ABCC2: variants seen among roughly 807,000 people sequenced by gnomAD.
The protein encoded by ABCC2 is ATP binding cassette subfamily C member 2.
In ABCC2, 157 loss-of-function variants were observed where a neutral mutation model predicts 173.4. That is an observed-to-expected ratio of 0.91 (90% CI 0.80 to 1.03). The LOEUF (loss-of-function observed/expected upper bound fraction) is 1.03. Among genes scored for constraint, ABCC2 ranks in the 50% least tolerant of loss-of-function variants. ABCC2 has a pLI of 0.00. For synonymous variants in ABCC2, 657 were observed against 693.5 expected, an observed-to-expected ratio of 0.95 and a Z score of 0.83; for missense variants, 1,822 against 1,852.3, an observed-to-expected ratio of 0.98 and a Z score of 0.30.
At position 99,843,834 on chromosome 10, in the gene ABCC2, A is replaced by G. The variant is rs370550565; in HGVS notation, c.3777A>G (p.Thr1259=). 4 of 1,614,230 alleles carry G rather than the reference A, an allele frequency of 2.5e-6. No homozygotes were observed. The highest frequency in any genetic ancestry group is 1.6e-4 in the Middle Eastern group (1 of 6,062). Residue 1259 remains threonine (T), a synonymous_variant, in exon 27 of 32, where the codon ACA becomes ACG. Coordinates refer to ENST00000647814, the MANE Select transcript of ABCC2 (RefSeq NM_000392.5). The part of the protein sequence containing the change: ...TQTLNWLVRM[T]SEIETNIVAV... Reference sequence around the variant, plus strand: ...CCCTGAACTGGCTGGTGAGGATGACATCAGAAATAGAGACCAACATTGTGG... The same window carrying G: ...CCCTGAACTGGCTGGTGAGGATGACGTCAGAAATAGAGACCAACATTGTGG...
At chr10:99,806,226 A>G (rs2038102318) in intron 11 of ABCC2, among the ~76,000 whole-genome samples, 1 of 152,096 alleles carries the variant, frequency 6.6e-6, no homozygotes, top group Non-Finnish European at 1.5e-5. Context: ...GCGGGAGTAC[A>G]AGGTTGCTTT....
At chr10:99,789,844 T>C (rs1411777245) in intron 2 of ABCC2, among the ~76,000 whole-genome samples, 1 of 151,896 alleles carries the variant, frequency 6.6e-6, no homozygotes, top group Non-Finnish European at 1.5e-5. Context: ...TAGAGAAATA[T>C]GTAAAATTTC....
Position 99,804,098 on chromosome 10 carries a change from A to G in ABCC2, c.1289A>G (p.Lys430Arg). The change falls in exon 10 of 32, where the codon AAG becomes AGG. Residue 430 changes from lysine (K) to arginine (R), a missense_variant. Physicochemically the swap from Lys to Arg is conservative, Grantham distance 26. Coordinates refer to ENST00000647814, the MANE Select transcript of ABCC2 (RefSeq NM_000392.5). ...TVNLMSVDAQ[K>R]LMDVTNFMHM... ...AACCTGATGTCTGTGGATGCCCAGA[A>G]GCTCATGGATGTGACCAACTTCATG... 1 of 1,614,172 alleles carries G rather than the reference A, an allele frequency of 6.2e-7. No individual in the cohort carries two copies. The highest frequency in any genetic ancestry group is 8.5e-7 in the Non-Finnish European group (1 of 1,180,030).
intron 6 of ABCC2, 103 bp from the exon 7 acceptor site, chr10:99,796,994 T>C: frequency 1.0e-6 from 1 of 992,842 alleles, no homozygotes; most frequent in Non-Finnish European, 1.6e-6. Flanking sequence ...CCCATTCTTC[T>C]GTCCCTCTAT....
At chr10:99,784,810 C>T (rs758720618) in intron 2 of ABCC2, 29 bp downstream of exon 2, 2 of 1,611,240 alleles carry the variant, frequency 1.2e-6, no homozygotes, top group Non-Finnish European at 1.7e-6. Context: ...TTTCTGAACT[C>T]TAATTCCTTG....
In ABCC2 at chr10:99,841,980, C is replaced by T. The variant is rs754558286; in HGVS notation, c.3628C>T (p.Arg1210Cys). 4.3e-6 allele frequency: 7 copies of T among 1,614,134 alleles called. No homozygotes were observed. The highest frequency in any genetic ancestry group is 2.2e-5 in the East Asian group (1 of 44,880). The part of the protein sequence containing the change: ...WITSNRWLAI[R>C]LELVGNLTVF... ...GTTGCCCCACAGGTGGCTTGCAATT[C>T]GCCTGGAGCTGGTTGGGAACCTGAC... Residue 1210 changes from arginine to cysteine, a missense_variant, in exon 26 of 32, where the codon CGC (arginine) becomes TGC (cysteine). By Grantham distance (180) the Arg-to-Cys change is radical. Coordinates refer to ENST00000647814, the MANE Select transcript of ABCC2 (RefSeq NM_000392.5).
chr10:99,799,602 G>C (rs549104270), intron 8 of ABCC2, among the ~76,000 whole-genome samples: 9 of 152,252 alleles, frequency 5.9e-5, no homozygotes, highest in African/African-American at 1.9e-4. Flanking sequence ...CTCCTCATAG[G>C]GGGCCGGGTA....
At chr10:99,831,461 G>T in intron 21 of ABCC2, 150 bp from the exon 22 acceptor site, 1 of 736,354 alleles carries the variant, frequency 1.4e-6, no homozygotes. Flanking sequence ...CTGGCACAGT[G>T]CAGAAATGGT....
chr10:99,814,576 T>TGTGTATATACACATACACACACAC lies in ABCC2; in HGVS notation c.2094+1432_2094+1433insGTGTATATACACATACACACACAC. On this transcript the variant is annotated intron_variant, in intron 16 of 31. Coordinates refer to ENST00000647814, the MANE Select transcript of ABCC2 (RefSeq NM_000392.5). The stretch of plus-strand genomic sequence containing the variant: ...GTGTATATACACATATACACACACA[T>TGTGTATATACACATACACACACAC]ATGTGTATATACACATATACACACA... 5.5e-5 allele frequency among the ~76,000 whole-genome samples: 6 copies of TGTGTATATACACATACACACACAC among 108,584 alleles called. 1 individual carries two copies. The highest frequency in any genetic ancestry group is 9.3e-5 in the Admixed American group (1 of 10,710). The allele number at this position is 108,584 out of a possible 152,430, so 71.2% of individuals were successfully genotyped here.
intron 25 of ABCC2, 56 bp downstream of exon 25, chr10:99,836,346 G>C (rs1345843429): frequency 5.1e-6 from 8 of 1,577,706 alleles, no homozygotes; most frequent in Non-Finnish European, 7.0e-6. Context: ...CTATATGTTT[G>C]ATATTAGCGG....
intron 2 of ABCC2, among the ~76,000 whole-genome samples, chr10:99,791,365 G>A (rs1027398153): frequency 5.3e-5 from 8 of 152,278 alleles, no homozygotes; most frequent in Admixed American, 1.3e-4. Context: ...CCGAGACTGC[G>A]CCTCTGCACT....
At chr10:99,810,932 G>T (rs958492374) in intron 14 of ABCC2, among the ~76,000 whole-genome samples, 1 of 151,964 alleles carries the variant, frequency 6.6e-6, no homozygotes, top group African/African-American at 2.4e-5. Context: ...GCTGAGGCAG[G>T]AGAATCACTT....
intron 30 of ABCC2, among the ~76,000 whole-genome samples, chr10:99,849,804 C>T (rs1336899086): frequency 6.6e-6 from 1 of 152,158 alleles, no homozygotes; most frequent in Non-Finnish European, 1.5e-5. Flanking sequence ...ACTTTGGCCA[C>T]CCCCTGTTTA....
intron 16 of ABCC2, among the ~76,000 whole-genome samples, chr10:99,816,571 C>T (rs1413272932): frequency 1.3e-5 from 2 of 152,178 alleles, no homozygotes; most frequent in African/African-American, 4.8e-5. Flanking sequence ...TGAGCCACCG[C>T]GCCCAGTTTC....
chr10:99,835,632 C>A (rs958817264), intron 24 of ABCC2, among the ~76,000 whole-genome samples: 4 of 152,124 alleles, frequency 2.6e-5, no homozygotes, highest in Non-Finnish European at 5.9e-5. Flanking sequence ...AGATTCTTCC[C>A]TTTTTACCCA....
At chr10:99,834,158 A>G (rs1282346180) in intron 23 of ABCC2, among the ~76,000 whole-genome samples, 4 of 152,238 alleles carry the variant, frequency 2.6e-5, no homozygotes, top group Non-Finnish European at 5.9e-5. Context: ...CTGGGATTAC[A>G]GGTGTGACCA....
At chr10:99,790,197 T>C (rs1227961787) in intron 2 of ABCC2, among the ~76,000 whole-genome samples, 1 of 152,240 alleles carries the variant, frequency 6.6e-6, no homozygotes, top group Non-Finnish European at 1.5e-5. Context: ...GAGGCTTTCC[T>C]TGGTCTCATC....
chr10:99,844,085 G>T (rs917726643), intron 27 of ABCC2, among the ~76,000 whole-genome samples, 185 bp downstream of exon 27: 1 of 152,082 alleles, frequency 6.6e-6, no homozygotes, highest in South Asian at 2.1e-4. Context: ...AGGGGATGTC[G>T]GGTCTTGCAA....
intron 25 of ABCC2, among the ~76,000 whole-genome samples, chr10:99,839,313 G>A (rs1590188688): frequency 1.9e-5 from 2 of 108,002 alleles, no homozygotes; most frequent in African/African-American, 3.6e-5. Context: ...AGGGGCGGCC[G>A]GGCAGAGGCG....
Sources: allele counts gnomAD v4.1 joint callset (sites outside exome capture counted in the v4.1 genomes callset), GRCh38; gene constraint gnomAD v4.1.1; transcripts MANE v1.5; gene names NCBI Gene and HGNC (gene_info 2026-07-23, HGNC 2026-07-21).